The following BANK1 variants were observed in gnomAD, a reference collection of about 807,000 sequenced individuals.
The protein encoded by BANK1 is B-cell scaffold protein with ankyrin repeats.
In BANK1, 95 loss-of-function variants were observed where a neutral mutation model predicts 94.5. That is an observed-to-expected ratio of 1.00 (90% CI 0.85 to 1.19). The LOEUF (loss-of-function observed/expected upper bound fraction) is 1.19. Ranked by LOEUF, BANK1 falls within the 50% of genes most tolerant of loss-of-function variation. The probability of loss-of-function intolerance (pLI) is 0.00; values close to 1 mark genes in which losing one functional copy is unlikely to be tolerated. For missense variants in BANK1, 987 were observed against 932.2 expected, an observed-to-expected ratio of 1.06 and a Z score of -0.77; for synonymous variants, 334 against 308.4, an observed-to-expected ratio of 1.08 and a Z score of -0.87.
chr4:101,921,774 T>C (rs1036288205), intron 7 of BANK1, among the ~76,000 whole-genome samples: 13 of 151,948 alleles, frequency 8.6e-5, no homozygotes, highest in Admixed American at 2.0e-4. Flanking sequence ...GGTTTAAATA[T>C]TTAAGTATCT....
At chr4:101,939,028 C>T (rs1213422383) in intron 7 of BANK1, among the ~76,000 whole-genome samples, 1 of 151,700 alleles carries the variant, frequency 6.6e-6, no homozygotes, top group Admixed American at 6.6e-5. Context: ...GAAATACTAT[C>T]TGATGAAATC....
Position 101,855,225 on chromosome 4 carries a change from T to C in BANK1, c.624+36T>C, listed in dbSNP as rs373311746. On this transcript the variant is annotated intron_variant, in intron 3 of 16. Transcript: ENST00000322953. ...ATACCTTGTTATTTAAGTGACCCCA[T>C]TGTGTTATGGTGGTGGTGGTGGTTG... 5 of 1,591,052 alleles carry C rather than the reference T, an allele frequency of 3.1e-6. No homozygotes were observed. The Admixed American group carries it at 5.1e-5, about 16-fold the overall frequency.
intron 7 of BANK1, among the ~76,000 whole-genome samples, chr4:101,986,899 G>GTGTGTGTGTGTGTATATATATA (rs1343197093): frequency 3.6e-5 from 3 of 82,660 alleles, no homozygotes; most frequent in Admixed American, 1.2e-4. Flanking sequence ...GTGTGTGTGT[G>GTGTGTGTGTGTGTATATATATA]TATATATATA....
At chr4:101,935,736 G>A (rs1723506355) in intron 7 of BANK1, among the ~76,000 whole-genome samples, 1 of 151,414 alleles carries the variant, frequency 6.6e-6, no homozygotes, top group African/African-American at 2.4e-5. Context: ...ATATTAAGAA[G>A]TTTAATTACC....
rs1486010994 is a variant in BANK1, at chr4:101,862,571, G to A, written c.670G>A (p.Asp224Asn). 6.2e-7 allele frequency: 1 copy of A among 1,609,892 alleles called. No homozygotes were observed. The highest frequency in any genetic ancestry group is 1.1e-5 in the South Asian group (1 of 90,344). ...AATTTTGAGAGATGAAGTAATTGGT[G>A]ATACTGTAGAGGTTGAATTTACATC... ...FIILRDEVIG[D>N]TVEVEFTSSN... Residue 224 changes from aspartate (D) to asparagine (N), a missense_variant, in exon 4 of 17, where the codon GAT becomes AAT. Coordinates refer to ENST00000322953, the MANE Select transcript of BANK1 (RefSeq NM_017935.5).
chr4:102,027,042 C>T (rs1319867211), intron 9 of BANK1, among the ~76,000 whole-genome samples: 2 of 151,956 alleles, frequency 1.3e-5, no homozygotes, highest in Middle Eastern at 3.4e-3. Flanking sequence ...TCTTGTGGAC[C>T]CTCAACATTT....
At chr4:102,057,726 CT>C (rs1728278361) in intron 11 of BANK1, among the ~76,000 whole-genome samples, 1 of 152,102 alleles carries the variant, frequency 6.6e-6, no homozygotes, top group South Asian at 2.1e-4. Flanking sequence ...CACATTGATA[CT>C]TATAGTATGA....
At position 101,900,796 on chromosome 4, in the gene BANK1, TTAAGTATA is replaced by T. The variant is rs1301688144; in HGVS notation, c.1009+5392_1009+5399del. Among the ~76,000 whole-genome samples, 4 of 152,280 alleles carry T rather than the reference TTAAGTATA, an allele frequency of 2.6e-5. No individual in the cohort carries two copies. The East Asian group carries it at 5.8e-4, about 22-fold the overall frequency. On this transcript the variant is annotated intron_variant, in intron 6 of 16. Transcript: ENST00000322953. ...TTAAAAGATAATACATTGGTTGGTA[TTAAGTATA>T]TAAGTCAAACACCCAGGAAGGAGCT...
intron 2 of BANK1, among the ~76,000 whole-genome samples, chr4:101,851,936 T>G (rs1244396095): frequency 6.6e-6 from 1 of 152,230 alleles, no homozygotes; most frequent in Non-Finnish European, 1.5e-5. Context: ...ACATTATCTT[T>G]GTCCCAGGAC....
chr4:101,823,558 T>G (rs1726253376), intron 1 of BANK1, among the ~76,000 whole-genome samples: 1 of 152,208 alleles, frequency 6.6e-6, no homozygotes, highest in Admixed American at 6.5e-5. Flanking sequence ...TTGTGTTTTA[T>G]TCAATTTTAT....
chr4:102,014,781 T>C (rs897800729), intron 7 of BANK1, among the ~76,000 whole-genome samples: 8 of 152,156 alleles, frequency 5.3e-5, no homozygotes, highest in Non-Finnish European at 8.8e-5. Flanking sequence ...TTAGATGGAA[T>C]GTCTGAAGTA....
intron 7 of BANK1, among the ~76,000 whole-genome samples, chr4:101,933,490 G>A (rs1361665385): frequency 1.3e-5 from 2 of 151,500 alleles, no homozygotes; most frequent in Non-Finnish European, 3.0e-5. Flanking sequence ...ATAAAGGTGA[G>A]TATTTTCCAG....
intron 1 of BANK1, among the ~76,000 whole-genome samples, chr4:101,813,467 G>T (rs1399434008): frequency 6.6e-6 from 1 of 152,152 alleles, no homozygotes; most frequent in Non-Finnish European, 1.5e-5. Context: ...AAGCCACTAT[G>T]GTGATTCTCA....
At chr4:102,068,220 T>C (rs1455696121) in intron 13 of BANK1, among the ~76,000 whole-genome samples, 2 of 152,032 alleles carry the variant, frequency 1.3e-5, no homozygotes, top group Non-Finnish European at 2.9e-5. Context: ...ACTATAAATA[T>C]TATACTAGAA....
At chr4:101,945,244 A>C (rs1723889886) in intron 7 of BANK1, among the ~76,000 whole-genome samples, 1 of 151,960 alleles carries the variant, frequency 6.6e-6, no homozygotes, top group Non-Finnish European at 1.5e-5. Context: ...AATGGATTTA[A>C]CTTGAATTGA....
intron 7 of BANK1, among the ~76,000 whole-genome samples, chr4:102,010,243 C>T (rs555774774): frequency 3.2e-4 from 49 of 151,942 alleles, no homozygotes; most frequent in East Asian, 1.4e-3. Context: ...CCAGCCTGGG[C>T]GACAGAGTGA....
intron 6 of BANK1, among the ~76,000 whole-genome samples, chr4:101,917,430 T>C (rs1026481062): frequency 2.0e-5 from 3 of 151,928 alleles, no homozygotes; most frequent in Non-Finnish European, 4.4e-5. Flanking sequence ...GATAAAAAAG[T>C]TGTAAAATCC....
At chr4:101,824,584 G>A (rs9307265) in intron 1 of BANK1, among the ~76,000 whole-genome samples, 3,828 of 152,142 alleles carry the variant, frequency 0.025, 173 homozygotes, top group African/African-American at 0.088. Context: ...ACTGTGTAAT[G>A]TAAGTAATGA....
At chr4:101,833,768 T>A (rs1304678344) in intron 2 of BANK1, among the ~76,000 whole-genome samples, 1 of 152,216 alleles carries the variant, frequency 6.6e-6, no homozygotes, top group Non-Finnish European at 1.5e-5. Flanking sequence ...TTCCTCATTG[T>A]CTATGTGTTG....
Sources: gnomAD v4.1 joint callset for allele counts (sites outside exome capture counted in the v4.1 genomes callset) on GRCh38, gnomAD v4.1.1 for gene constraint, MANE v1.5 for transcripts, NCBI Gene and HGNC (gene_info 2026-07-23, HGNC 2026-07-21) for gene names.